The following SNAPC3 variants were observed in gnomAD, a reference collection of about 807,000 sequenced individuals.
The protein encoded by SNAPC3 is small nuclear RNA activating complex polypeptide 3, also known as snRNA-activating protein complex subunit 3.
In SNAPC3, 56 loss-of-function variants were observed where a neutral mutation model predicts 47.7. That is an observed-to-expected ratio of 1.18 (90% CI 0.95 to 1.47). The LOEUF (loss-of-function observed/expected upper bound fraction) is 1.47. Among genes scored for constraint, SNAPC3 ranks in the 40% most tolerant of loss-of-function variants. SNAPC3 has a pLI of 0.00. For missense variants in SNAPC3, 665 were observed against 511.3 expected (o/e 1.30, Z -2.90); for synonymous variants, 235 against 189.9 (o/e 1.24, Z -1.95).
chr9:15,457,803 G>C (rs9650683), intron 7 of SNAPC3, among the ~76,000 whole-genome samples, 157 bp from the exon 8 acceptor site: 133,482 of 152,200 alleles, frequency 0.88, 58,779 homozygotes, highest in Admixed American at 0.92. Flanking sequence ...AGAATTTGGT[G>C]AAACATGGCA....
At chr9:15,433,049 C>T (rs940228777) in intron 2 of SNAPC3, among the ~76,000 whole-genome samples, 1 of 152,030 alleles carries the variant, frequency 6.6e-6, no homozygotes, top group Non-Finnish European at 1.5e-5. Flanking sequence ...ATGAGAAGGG[C>T]ATCATTGTAG....
chr9:15,459,739 GT>G lies in SNAPC3; in HGVS notation c.1113del (p.Phe371LeufsTer53), dbSNP rs911382474. The G allele has an allele frequency of 2.4e-5, 38 of 1,613,158 alleles. No homozygotes were observed. The highest frequency in any genetic ancestry group is 3.2e-5 in the Non-Finnish European group (38 of 1,179,602). ...TACAGATGGGTGACGAACAATGACAGTTTTGCACCAGAGGACCCATGCTTCT... is the reference window on the plus strand; with the variant it reads ...TACAGATGGGTGACGAACAATGACAGTTTGCACCAGAGGACCCATGCTTCT... The part of the protein sequence containing the change: ...YTARWVTNND[S>X]FAPEDPCFFC... On this transcript the variant is annotated frameshift_variant, in exon 9 of 9. Coordinates refer to ENST00000380821, the MANE Select transcript of SNAPC3 (RefSeq NM_001039697.2). LOFTEE classifies it high-confidence loss of function.
At chr9:15,449,291 G>A (rs1489424456) in intron 5 of SNAPC3, among the ~76,000 whole-genome samples, 7 of 151,884 alleles carry the variant, frequency 4.6e-5, no homozygotes, top group East Asian at 1.9e-4. Flanking sequence ...TCTGGGAATC[G>A]GTCTTACCTT....
Position 15,447,202 on chromosome 9 carries a change from A to G in SNAPC3, c.690A>G (p.Glu230=). The G allele has an allele frequency of 1.2e-6, 2 of 1,614,130 alleles. No individual in the cohort carries two copies. Among genetic ancestry groups the G allele is most frequent in the Non-Finnish European group, 1.7e-6 (2 of 1,179,966 alleles). The change falls in exon 5 of 9, where the codon GAA becomes GAG. Residue 230 remains glutamate, a synonymous_variant. Coordinates refer to ENST00000380821, the MANE Select transcript of SNAPC3 (RefSeq NM_001039697.2). ...RCVSDLQIGG[E]FSNTPDQAPE... is the part of the protein sequence containing the mutation. ...TCAGTGACCTCCAGATTGGTGGTGA[A>G]TTCAGCAACACTCCTGACCAAGCCC...
chr9:15,457,879 C>G, intron 7 of SNAPC3, 81 bp from the exon 8 acceptor site: 2 of 779,038 alleles, frequency 2.6e-6, no homozygotes, highest in Non-Finnish European at 4.2e-6. Flanking sequence ...AATACTCAGG[C>G]ACAGATATAT....
In SNAPC3 at chr9:15,437,917, A is replaced by G. The variant is rs566241952; in HGVS notation, c.477+4281A>G. Among the ~76,000 whole-genome samples, 7 of 152,220 alleles carry G rather than the reference A, an allele frequency of 4.6e-5. No individual in the cohort carries two copies. The South Asian group carries it at 1.2e-3, about 27-fold the overall frequency. ...ATTTTGTTGAGATTATTGCATTCCT[A>G]TTTATAAAGGGATATTGGCCTGTAG... On this transcript the variant is annotated intron_variant, in intron 3 of 8. Coordinates refer to ENST00000380821, the MANE Select transcript of SNAPC3 (RefSeq NM_001039697.2).
rs554394027 is a variant in SNAPC3 at position 15,423,261 on chromosome 9, C to T, written c.314+68C>T. The T allele has an allele frequency of 3.9e-5, 56 of 1,421,718 alleles. No individual in the cohort carries two copies. The African/African-American group carries it at 8.2e-4, about 21-fold the overall frequency. The allele number at this position is 1,421,718 out of a possible 1,614,324, so 88.1% of individuals were successfully genotyped here. ...AGGGTGCAGCCTTGCTCGTGCGCTC[C>T]TCTGGGACTCATCCCTGAGAAGGGC... is the stretch of plus-strand genomic sequence containing the variant. On this transcript the variant is annotated intron_variant, in intron 1 of 8. Transcript: ENST00000380821.
chr9:15,457,871 TACTC>T (rs748849246), intron 7 of SNAPC3, 85 bp from the exon 8 acceptor site: 8 of 743,444 alleles, frequency 1.1e-5, no homozygotes, highest in Non-Finnish European at 1.6e-5. Flanking sequence ...ATTTTCCTAA[TACTC>T]AGGCACAGAT....
At position 15,461,447 on chromosome 9, in the gene SNAPC3, C is replaced by T. The variant is rs974672980; in HGVS notation, c.*1581C>T. ...AGAGTGCTGCGATTACAGGCATGAA[C>T]CACAGCGCCCAGCAAAATAAACTTT... On this transcript the variant is annotated 3_prime_UTR_variant, in exon 9 of 9. Transcript: ENST00000380821. 6.6e-6 allele frequency: 1 copy of T among 152,212 alleles called. No individual in the cohort carries two copies. The highest frequency in any genetic ancestry group is 1.5e-5 in the Non-Finnish European group (1 of 68,042). 9.4% of individuals were successfully genotyped at this position (152,212 alleles called of 1,614,324 possible).
chr9:15,458,625 C>A (rs1587419281), intron 8 of SNAPC3, among the ~76,000 whole-genome samples: 1 of 152,004 alleles, frequency 6.6e-6, no homozygotes, highest in East Asian at 1.9e-4. Flanking sequence ...TGTGATTCTA[C>A]ATGTTTAGAT....
chr9:15,445,888 ACCATG>A lies in SNAPC3; in HGVS notation c.582+1188_582+1192del, dbSNP rs1409656359. Among the ~76,000 whole-genome samples the A allele has an allele frequency of 2.0e-5, 3 of 152,266 alleles. No homozygotes were observed. In the East Asian group the frequency reaches 5.8e-4, roughly 29 times the overall value. On this transcript the variant is annotated intron_variant, in intron 4 of 8. Coordinates refer to ENST00000380821, the MANE Select transcript of SNAPC3 (RefSeq NM_001039697.2). ...GAGGTCAAGGCTGCAGTGAGCCAAGACCATGCCATGGCACTCCAGCCTAGGTGACA... is the reference window on the plus strand; with the variant it reads ...GAGGTCAAGGCTGCAGTGAGCCAAGACCATGGCACTCCAGCCTAGGTGACA...
At chr9:15,466,025 G>C (rs752713371), downstream of SNAPC3, 2 of 155,132 alleles carry the variant, frequency 1.3e-5, no homozygotes, top group Admixed American at 1.3e-4. Context: ...CAGATACACA[G>C]TGGAACAAAG....
chr9:15,463,058 C>T (rs2035337288), downstream of SNAPC3: 1 of 151,974 alleles, frequency 6.6e-6, no homozygotes, highest in African/African-American at 2.4e-5. Flanking sequence ...TATTTGAAAT[C>T]ACTGGATATA....
At chr9:15,443,397 GT>G (rs1015750384) in intron 3 of SNAPC3, among the ~76,000 whole-genome samples, 34 of 152,130 alleles carry the variant, frequency 2.2e-4, no homozygotes, top group Non-Finnish European at 3.7e-4. Context: ...TGATTTATAT[GT>G]TTTTTTGAGA....
chr9:15,444,768 A>G, intron 4 of SNAPC3, 62 bp downstream of exon 4: 1 of 882,680 alleles, frequency 1.1e-6, no homozygotes, highest in Non-Finnish European at 1.8e-6. Flanking sequence ...GTGTTTAATT[A>G]TTTGAAGAGT....
downstream of SNAPC3, among the ~76,000 whole-genome samples, chr9:15,466,298 G>C (rs563479203): frequency 3.3e-5 from 5 of 152,328 alleles, no homozygotes; most frequent in South Asian, 8.3e-4. Flanking sequence ...AGAATCGCTT[G>C]AACCCAGGAA....
At chr9:15,456,320 A>G (rs1012147587) in intron 7 of SNAPC3, among the ~76,000 whole-genome samples, 1 of 151,780 alleles carries the variant, frequency 6.6e-6, no homozygotes, top group African/African-American at 2.4e-5. Flanking sequence ...TTTTCCGTAC[A>G]TTTCTTATAG....
chr9:15,442,495 C>G lies in SNAPC3; in HGVS notation c.478-2107C>G, dbSNP rs11999063. 4.9e-3 allele frequency among the ~76,000 whole-genome samples: 664 copies of G among 135,776 alleles called. 4 individuals carry two copies. The highest frequency in any genetic ancestry group is 0.017 in the African/African-American group (631 of 37,546). The allele number at this position is 135,776 out of a possible 152,430, so 89.1% of individuals were successfully genotyped here. On this transcript the variant is annotated intron_variant, in intron 3 of 8. Transcript: ENST00000380821. ...CGGAGGGGCTCCTCACTTCTCAGAC[C>G]GGGCGGCTGGGCGGAGACGCTCCTC...
Position 15,447,102 on chromosome 9 carries a change from AAC to A in SNAPC3, c.594_595del (p.His198GlnfsTer26). The A allele has an allele frequency of 6.2e-7, 1 of 1,614,052 alleles. No homozygotes were observed. Among genetic ancestry groups the A allele is most frequent in the Non-Finnish European group, 8.5e-7 (1 of 1,179,938 alleles). ...TTATTCTTTGACTTTTAGCACAAAG[AAC>A]ACAAACCATACCAAACAATGCTGGT... On this transcript the variant is annotated frameshift_variant, in exon 5 of 9. Coordinates refer to ENST00000380821, the MANE Select transcript of SNAPC3 (RefSeq NM_001039697.2). LOFTEE classifies it high-confidence loss of function.
Sources: allele counts gnomAD v4.1 joint callset (sites outside exome capture counted in the v4.1 genomes callset), GRCh38; gene constraint gnomAD v4.1.1; transcripts MANE v1.5; gene names NCBI Gene and HGNC (gene_info 2026-07-23, HGNC 2026-07-21).